Variants in DCAF6 observed in about 807,000 individuals in gnomAD.
DCAF6 encodes the protein DDB1 and CUL4 associated factor 6.
A neutral mutation model predicts 125.1 loss-of-function variants in DCAF6; 54 were observed. The observed-to-expected ratio is 0.43, with a 90% CI of 0.35 to 0.54. The LOEUF (loss-of-function observed/expected upper bound fraction) is 0.54. Ranked by LOEUF, DCAF6 falls within the 20% of genes least tolerant of loss-of-function variation. DCAF6 has a pLI of 0.01. For missense variants in DCAF6, 934 were observed against 1,161.7 expected (o/e 0.80, Z 2.85); for synonymous variants, 371 against 390.4 (o/e 0.95, Z 0.58).
At chr1:168,017,688 T>C (rs1193066869) in intron 11 of DCAF6, among the ~76,000 whole-genome samples, 1 of 152,136 alleles carries the variant, frequency 6.6e-6, no homozygotes, top group Non-Finnish European at 1.5e-5. Context: ...CTTTATCTTA[T>C]ACATAATAAT....
At chr1:167,955,119 T>C (rs1481946954) in intron 2 of DCAF6, among the ~76,000 whole-genome samples, 1 of 152,260 alleles carries the variant, frequency 6.6e-6, no homozygotes, top group Non-Finnish European at 1.5e-5. Flanking sequence ...TTATTACTTT[T>C]TATTGCTGAG....
the DCAF6 span, among the ~76,000 whole-genome samples, chr1:167,912,080 A>G: frequency 6.6e-6 from 1 of 152,278 alleles, no homozygotes; most frequent in Non-Finnish European, 1.5e-5. Context: ...GTTCTGCAAC[A>G]TCACAAAATG....
At chr1:167,983,146 G>T (rs1323843689) in intron 4 of DCAF6, among the ~76,000 whole-genome samples, 1 of 152,116 alleles carries the variant, frequency 6.6e-6, no homozygotes, top group East Asian at 1.9e-4. Context: ...GGCTGTTCAG[G>T]CTCTTTTTTG....
the DCAF6 span, among the ~76,000 whole-genome samples, chr1:167,874,630 A>T: frequency 1.3e-5 from 2 of 152,194 alleles, no homozygotes; most frequent in Non-Finnish European, 2.9e-5. Context: ...ACTCAACAGA[A>T]ATGCATACAT....
chr1:167,950,268 A>G (rs1226495789), intron 1 of DCAF6, among the ~76,000 whole-genome samples: 2 of 152,204 alleles, frequency 1.3e-5, no homozygotes, highest in African/African-American at 2.4e-5. Flanking sequence ...ACTCAATGAG[A>G]TTACCAATCC....
chr1:167,987,634 G>A lies in DCAF6; in HGVS notation c.552+26G>A, dbSNP rs767722723. On this transcript the variant is annotated intron_variant, in intron 5 of 21. Coordinates refer to ENST00000367840, the MANE Select transcript of DCAF6 (RefSeq NM_001198956.2). ...GTAAGAATTAAATTTTTATACAAATGATGCAGAAAAAATTAAGGTTATAAT... is the reference window on the plus strand; with the variant it reads ...GTAAGAATTAAATTTTTATACAAATAATGCAGAAAAAATTAAGGTTATAAT... 7 of 1,197,268 alleles carry A rather than the reference G, an allele frequency of 5.8e-6. No homozygotes were observed. In the African/African-American group the frequency reaches 1.1e-4, roughly 18 times the overall value. The allele number at this position is 1,197,268 out of a possible 1,614,324, so 74.2% of individuals were successfully genotyped here.
At chr1:168,029,929 G>A (rs997033979) in intron 12 of DCAF6, among the ~76,000 whole-genome samples, 4 of 151,148 alleles carry the variant, frequency 2.6e-5, no homozygotes, top group African/African-American at 7.3e-5. Flanking sequence ...GCAGTGAGCC[G>A]AGATTGCACC....
rs1688997612 is a variant in DCAF6 at position 168,045,074 on chromosome 1, C to T, written c.2105C>T (p.Thr702Ile). ...GAGAGTGCTACCAATGAAAATAACA[C>T]CAATCCTGAGCCTCAGTTCCAAACA... ...STESATNENN[T>I]NPEPQFQTEA... The change falls in exon 16 of 22, where the codon ACC (threonine) becomes ATC (isoleucine). Residue 702 changes from threonine to isoleucine, a missense_variant. Around this residue, in one of 5 missense-constraint regions of DCAF6, gnomAD observed 559 missense variants for 635.5 expected, o/e 0.88. Transcript: ENST00000367840. 1 of 1,613,866 alleles carries T rather than the reference C, an allele frequency of 6.2e-7. No homozygotes were observed. Among genetic ancestry groups the T allele is most frequent in the African/African-American group, 1.3e-5 (1 of 74,902 alleles).
intron 2 of DCAF6, among the ~76,000 whole-genome samples, chr1:167,956,693 T>C (rs1674843131): frequency 6.6e-6 from 1 of 152,190 alleles, no homozygotes; most frequent in Admixed American, 6.5e-5. Context: ...TAGAGGTTTC[T>C]TTGGTGCTGT....
the DCAF6 span, among the ~76,000 whole-genome samples, chr1:167,903,128 CGCCTGTAACCCCA>C: frequency 6.6e-6 from 1 of 151,472 alleles, no homozygotes; most frequent in Non-Finnish European, 1.5e-5. Flanking sequence ...TGGTGGCGCA[CGCCTGTAACCCCA>C]GCTACGTGTG....
rs552208317 is a variant in DCAF6 at position 167,967,714 on chromosome 1, C to CTTTTTTTTTTTTTTTTTTTTTTTTT, written c.252+995_252+1019dup. Among the ~76,000 whole-genome samples the CTTTTTTTTTTTTTTTTTTTTTTTTT allele has an allele frequency of 6.7e-5, 5 of 74,552 alleles. 1 individual carries two copies. The highest frequency in any genetic ancestry group is 2.6e-4 in the African/African-American group (5 of 18,956). The allele number at this position is 74,552 out of a possible 152,430, so 48.9% of individuals were successfully genotyped here. A position where few individuals can be genotyped will look rare whatever the true frequency, so the allele number is the denominator to read the frequency against. On this transcript the variant is annotated intron_variant, in intron 3 of 21. Coordinates refer to ENST00000367840, the MANE Select transcript of DCAF6 (RefSeq NM_001198956.2). ...CCTGATTGTCTTAAATTTCCTGTAT[C>CTTTTTTTTTTTTTTTTTTTTTTTTT]TTTTTTTTTTTTTTTTTTTTTTTTT...
chr1:167,998,360 T>A (rs1445604337), intron 7 of DCAF6, among the ~76,000 whole-genome samples: 1 of 152,176 alleles, frequency 6.6e-6, no homozygotes, highest in East Asian at 1.9e-4. Context: ...CTTACCTTAA[T>A]GTTGATCACT....
chr1:168,015,792 G>C lies in DCAF6; in HGVS notation c.1390G>C (p.Gly464Arg), dbSNP rs1571949031. Residue 464 changes from glycine (G) to arginine (R), a missense_variant, in exon 11 of 22, where the codon GGC (glycine) becomes CGC (arginine). By Grantham distance (125) the Gly-to-Arg change is moderately radical. Coordinates refer to ENST00000367840, the MANE Select transcript of DCAF6 (RefSeq NM_001198956.2). Reference sequence around the variant, plus strand: ...CCTATTTGTGTCAGAATTTTTAAGGGGCCCTGAGATAGCTTTGCTTCGTAA... The same window carrying C: ...CCTATTTGTGTCAGAATTTTTAAGGCGCCCTGAGATAGCTTTGCTTCGTAA... ...HTHHQSEFLR[G>R]PEIALLRKRL... is the part of the protein sequence containing the mutation. 1 of 1,492,028 alleles carries C rather than the reference G, an allele frequency of 6.7e-7. No homozygotes were observed. Among genetic ancestry groups the C allele is most frequent in the East Asian group, 2.6e-5 (1 of 38,598 alleles). 92.4% of individuals were successfully genotyped at this position (1,492,028 alleles called of 1,614,324 possible).
intron 17 of DCAF6, among the ~76,000 whole-genome samples, chr1:168,053,314 G>T (rs1690195166): frequency 6.6e-6 from 1 of 151,978 alleles, no homozygotes; most frequent in Non-Finnish European, 1.5e-5. Context: ...AATAAAAGTT[G>T]GCAAAGACAC....
the DCAF6 span, among the ~76,000 whole-genome samples, chr1:167,907,271 A>T: frequency 5.9e-5 from 9 of 152,260 alleles, no homozygotes; most frequent in Non-Finnish European, 1.2e-4. Flanking sequence ...ACCAGTAAAC[A>T]TAATGTATTT....
intron 12 of DCAF6, among the ~76,000 whole-genome samples, chr1:168,026,751 C>A (rs1686395796): frequency 6.6e-6 from 1 of 151,602 alleles, no homozygotes; most frequent in Non-Finnish European, 1.5e-5. Flanking sequence ...CTTTGGATAT[C>A]CACGTGGAGA....
chr1:168,073,978 T>TATAA (rs1472807334), intron 21 of DCAF6, among the ~76,000 whole-genome samples: 10 of 148,754 alleles, frequency 6.7e-5, no homozygotes, highest in Non-Finnish European at 1.5e-4. Flanking sequence ...AATACATATT[T>TATAA]ATAAAATAAA....
rs767736142 is a variant in DCAF6 at position 167,974,815 on chromosome 1, C to CT, written c.253-12dup. ...ATAATAAGTTACCATTAACTGCTTT[C>CT]TTTGTGTGTTTTAGGTTTTGACAAC... On this transcript the variant is annotated splice_polypyrimidine_tract_variant and intron_variant, in intron 3 of 21. Transcript: ENST00000367840. 1 of 1,481,862 alleles carries CT rather than the reference C, an allele frequency of 6.7e-7. No homozygotes were observed. The highest frequency in any genetic ancestry group is 2.4e-5 in the East Asian group (1 of 41,010). The allele number at this position is 1,481,862 out of a possible 1,614,324, so 91.8% of individuals were successfully genotyped here.
At chr1:167,874,033 C>A in the DCAF6 span, among the ~76,000 whole-genome samples, 1 of 152,104 alleles carries the variant, frequency 6.6e-6, no homozygotes, top group Admixed American at 6.5e-5. Flanking sequence ...TGTACAGGTA[C>A]TTTAAAAAAA....
Sources: allele counts gnomAD v4.1 joint callset (sites outside exome capture counted in the v4.1 genomes callset), GRCh38; gene constraint gnomAD v4.1.1; regional missense constraint gnomAD v4.1.1; transcripts MANE v1.5; gene names NCBI Gene and HGNC (gene_info 2026-07-23, HGNC 2026-07-21).